The following NECAB2 variants were observed in gnomAD, a reference collection of about 807,000 sequenced individuals.
The protein encoded by NECAB2 is N-terminal EF-hand calcium binding protein 2.
NECAB2 carries 68 observed loss-of-function variants against 51.9 expected under a neutral mutation model. The ratio of observed to expected loss-of-function variants is 1.31; its 90% CI spans 1.08 to 1.60. The LOEUF (loss-of-function observed/expected upper bound fraction) is 1.60. Ranked by LOEUF, NECAB2 falls within the 40% of genes most tolerant of loss-of-function variation. The pLI is 0.00. For synonymous variants in NECAB2, 329 were observed against 203.5 expected, an observed-to-expected ratio of 1.62 and a Z score of -5.25; for missense variants, 854 against 490.3, an observed-to-expected ratio of 1.74 and a Z score of -7.00.
intron 5 of NECAB2, among the ~76,000 whole-genome samples, chr16:83,982,892 A>AT (rs2084506980): frequency 6.7e-6 from 1 of 148,502 alleles, no homozygotes. Context: ...TTTTTTTGAG[A>AT]CAGAGTCTCA....
At chr16:83,989,021 C>G (rs1436359129) in intron 5 of NECAB2, among the ~76,000 whole-genome samples, 3 of 152,240 alleles carry the variant, frequency 2.0e-5, no homozygotes, top group South Asian at 4.1e-4. Flanking sequence ...ACCAGTAACA[C>G]TTATTGATCG....
At chr16:83,966,318 C>T, upstream of NECAB2, 1 of 424,408 alleles carries the variant, frequency 2.4e-6, no homozygotes, top group Non-Finnish European at 4.2e-6. Flanking sequence ...CCAAATAAAG[C>T]CAGTGCCCAC....
rs553619768 is a variant in NECAB2, at chr16:84,002,740, CTG to C, written c.*397_*398del. ...GCCCAACCTAGCCAGGTAGCCACCA[CTG>C]TGCCCAGGCGCCAAATAAACCCTGG... On this transcript the variant is annotated 3_prime_UTR_variant, in exon 13 of 13. Coordinates refer to ENST00000305202, the MANE Select transcript of NECAB2 (RefSeq NM_019065.3). The C allele has an allele frequency of 7.2e-4, 168 of 232,652 alleles. 1 individual carries two copies. The highest frequency in any genetic ancestry group is 3.7e-3 in the African/African-American group (165 of 44,656). The allele number at this position is 232,652 out of a possible 1,614,324, so 14.4% of individuals were successfully genotyped here. A position where few individuals can be genotyped will look rare whatever the true frequency, so the allele number is the denominator to read the frequency against.
chr16:84,002,484 TAAGTG>T lies in NECAB2; in HGVS notation c.*142_*146del. 1.6e-6 allele frequency: 2 copies of T among 1,212,712 alleles called. No individual in the cohort carries two copies. Among genetic ancestry groups the T allele is most frequent in the Non-Finnish European group, 2.4e-6 (2 of 838,590 alleles). 75.1% of individuals were successfully genotyped at this position (1,212,712 alleles called of 1,614,324 possible). On this transcript the variant is annotated 3_prime_UTR_variant, in exon 13 of 13. Coordinates refer to ENST00000305202, the MANE Select transcript of NECAB2 (RefSeq NM_019065.3). ...CCACAAGAAGGTGTTTCCCTGTTGT[TAAGTG>T]AAGGAGGCCGCCCCTGCCCCCACCT...
chr16:84,002,066 C>A (rs1266956859), intron 12 of NECAB2, 150 bp downstream of exon 12: 3 of 1,047,252 alleles, frequency 2.9e-6, no homozygotes, highest in Non-Finnish European at 4.2e-6. Flanking sequence ...AGAGCCAGCC[C>A]TGAGGTGGCC....
At chr16:83,987,075 C>G (rs1013657811) in intron 5 of NECAB2, among the ~76,000 whole-genome samples, 1 of 152,148 alleles carries the variant, frequency 6.6e-6, no homozygotes, top group African/African-American at 2.4e-5. Context: ...CTTGGCTTCC[C>G]TCCTGTAACA....
At chr16:84,001,310 C>G (rs890495905) in intron 11 of NECAB2, among the ~76,000 whole-genome samples, 1 of 151,914 alleles carries the variant, frequency 6.6e-6, no homozygotes, top group African/African-American at 2.4e-5. Flanking sequence ...GCTGATGCGC[C>G]AGACCCCACA....
chr16:84,001,599 C>A (rs1292720514), intron 11 of NECAB2, among the ~76,000 whole-genome samples: 1 of 152,080 alleles, frequency 6.6e-6, no homozygotes, highest in Non-Finnish European at 1.5e-5. Context: ...GTGGGGGGAT[C>A]CCGCTGCCCA....
At chr16:83,998,396 C>G (rs1202922100) in intron 10 of NECAB2, 79 bp downstream of exon 10, 2 of 1,383,162 alleles carry the variant, frequency 1.4e-6, no homozygotes, top group Non-Finnish European at 2.0e-6. Flanking sequence ...CAGGACTAGG[C>G]TTTGCCCTAA....
At chr16:83,982,654 C>T (rs975387666) in intron 5 of NECAB2, among the ~76,000 whole-genome samples, 10 of 152,242 alleles carry the variant, frequency 6.6e-5, no homozygotes, top group South Asian at 4.2e-4. Flanking sequence ...TCCATGGTTG[C>T]GTCTTGGTCT....
intron 5 of NECAB2, among the ~76,000 whole-genome samples, chr16:83,985,179 G>A (rs2084536844): frequency 6.6e-6 from 1 of 151,708 alleles, no homozygotes; most frequent in Admixed American, 6.6e-5. Context: ...CGAGCGTGGT[G>A]GCAGGCGCCT....
Position 83,973,954 on chromosome 16 carries a change from T to C in NECAB2, c.226+1779T>C, listed in dbSNP as rs7193914. 6.2e-4 allele frequency among the ~76,000 whole-genome samples: 94 copies of C among 152,024 alleles called. 1 individual carries two copies. Among genetic ancestry groups the C allele is most frequent in the African/African-American group, 2.2e-3 (90 of 41,376 alleles). ...GCAGGAGCCACTGCAGTGTATACAC[T>C]TGGGCAGGTGGTGCCTGGCCCCCTC... On this transcript the variant is annotated intron_variant, in intron 2 of 12. Transcript: ENST00000305202.
intron 5 of NECAB2, among the ~76,000 whole-genome samples, chr16:83,989,155 C>T (rs1319996925): frequency 6.6e-6 from 1 of 152,182 alleles, no homozygotes; most frequent in Non-Finnish European, 1.5e-5. Flanking sequence ...GTCTTCATGT[C>T]CGTTTTTGGC....
intron 6 of NECAB2, among the ~76,000 whole-genome samples, chr16:83,991,017 G>A (rs9921393): frequency 0.036 from 5,481 of 152,070 alleles, 141 homozygotes; most frequent in Admixed American, 0.063. Context: ...AAAAAGTGTC[G>A]CTCTGTCGCC....
At chr16:83,984,223 C>CTGACCTCG (rs2084523936) in intron 5 of NECAB2, among the ~76,000 whole-genome samples, 1 of 151,768 alleles carries the variant, frequency 6.6e-6, no homozygotes, top group Non-Finnish European at 1.5e-5. Context: ...TCTCCATCTC[C>CTGACCTCG]TGACCTCGTG....
At chr16:83,967,521 A>G (rs1330684804), upstream of NECAB2, among the ~76,000 whole-genome samples, 2 of 74,736 alleles carry the variant, frequency 2.7e-5, no homozygotes, top group African/African-American at 5.4e-5. Flanking sequence ...GGGAGGATGG[A>G]TGGATGGATG....
At chr16:83,990,182 A>G (rs1021883698) in intron 5 of NECAB2, among the ~76,000 whole-genome samples, 43 of 152,312 alleles carry the variant, frequency 2.8e-4, no homozygotes, top group Non-Finnish European at 5.0e-4. Flanking sequence ...AGAGCATTGT[A>G]CACGCATGTT....
chr16:83,973,780 G>T (rs1268692263), intron 2 of NECAB2, among the ~76,000 whole-genome samples: 1 of 152,072 alleles, frequency 6.6e-6, no homozygotes, highest in Non-Finnish European at 1.5e-5. Context: ...GTGTTTGTTG[G>T]TGAGAGCGTG....
intron 6 of NECAB2, among the ~76,000 whole-genome samples, chr16:83,992,130 T>G (rs1283377166): frequency 6.6e-6 from 1 of 151,860 alleles, no homozygotes; most frequent in African/African-American, 2.4e-5. Flanking sequence ...TGGGGGGAAA[T>G]CAGAGAGGTG....
Sources: allele counts gnomAD v4.1 joint callset (sites outside exome capture counted in the v4.1 genomes callset), GRCh38; gene constraint gnomAD v4.1.1; transcripts MANE v1.5; gene names NCBI Gene and HGNC (gene_info 2026-07-23, HGNC 2026-07-21).